IGF2R: variants seen among roughly 807,000 people sequenced by gnomAD.
IGF2R encodes cation-independent mannose-6-phosphate receptor.
IGF2R carries 91 observed loss-of-function variants against 270.6 expected under a neutral mutation model. The ratio of observed to expected loss-of-function variants is 0.34; its 90% CI spans 0.28 to 0.40. The LOEUF (loss-of-function observed/expected upper bound fraction) is 0.40, where lower values mean the gene tolerates loss of function less well. Among genes scored for constraint, IGF2R ranks in the 10% least tolerant of loss-of-function variants. IGF2R has a pLI of 1.00. For synonymous variants in IGF2R, 1,316 were observed against 1,258.9 expected (o/e 1.05, Z -0.96); for missense variants, 2,805 against 3,188.3 (o/e 0.88, Z 2.90).
At chr6:159,990,317 T>G (rs1470331535) in intron 1 of IGF2R, among the ~76,000 whole-genome samples, 2 of 152,112 alleles carry the variant, frequency 1.3e-5, no homozygotes, top group East Asian at 3.9e-4. Flanking sequence ...TGGGAGGCAA[T>G]TGAATCATGG....
chr6:160,080,508 G>A (rs1461557444), intron 39 of IGF2R, among the ~76,000 whole-genome samples: 1 of 152,232 alleles, frequency 6.6e-6, no homozygotes, highest in Non-Finnish European at 1.5e-5. Context: ...TGTGCTGGGT[G>A]GCTGGCTAGG....
At chr6:160,093,068 T>G (rs538678322) in intron 44 of IGF2R, 1 of 152,664 alleles carries the variant, frequency 6.6e-6, no homozygotes, top group South Asian at 2.1e-4. Context: ...CAGGTTAAAA[T>G]CAACCAAGAT....
intron 29 of IGF2R, among the ~76,000 whole-genome samples, chr6:160,065,113 G>A (rs953472827): frequency 5.3e-5 from 8 of 152,204 alleles, no homozygotes; most frequent in African/African-American, 1.9e-4. Flanking sequence ...GGAAGGGATT[G>A]GAGCTGAAGC....
intron 2 of IGF2R, among the ~76,000 whole-genome samples, chr6:160,001,168 G>A (rs752328761): frequency 6.6e-5 from 10 of 152,094 alleles, no homozygotes; most frequent in African/African-American, 1.7e-4. Flanking sequence ...GTGAAGCTTC[G>A]TCTGTATTTA....
intron 1 of IGF2R, among the ~76,000 whole-genome samples, chr6:159,990,886 C>G (rs1783967950): frequency 6.6e-6 from 1 of 152,180 alleles, no homozygotes; most frequent in South Asian, 2.1e-4. Context: ...CCTCGGCCTC[C>G]CAAAGTGCTG....
chr6:160,065,536 A>T (rs1347795912), intron 29 of IGF2R, among the ~76,000 whole-genome samples: 2 of 152,116 alleles, frequency 1.3e-5, no homozygotes, highest in Non-Finnish European at 2.9e-5. Flanking sequence ...ATTTATGTTC[A>T]GTGACTTTAA....
intron 39 of IGF2R, 101 bp downstream of exon 39, chr6:160,080,376 G>A: frequency 8.8e-7 from 1 of 1,134,272 alleles, no homozygotes; most frequent in Non-Finnish European, 1.2e-6. Flanking sequence ...TCAGTGGCAG[G>A]AATTCTCTTG....
intron 37 of IGF2R, 120 bp downstream of exon 37, chr6:160,078,482 T>G: frequency 4.4e-6 from 4 of 899,594 alleles, no homozygotes; most frequent in Non-Finnish European, 6.9e-6. Context: ...ATGTGGCCAC[T>G]GGGCAGCATC....
chr6:160,073,698 C>A, intron 34 of IGF2R, 59 bp from the exon 35 acceptor site: 1 of 1,390,050 alleles, frequency 7.2e-7, no homozygotes, highest in Non-Finnish European at 1.0e-6. Context: ...TTATGGATGA[C>A]CTAGTGGTGA....
Position 160,060,682 on chromosome 6 carries a change from C to T in IGF2R, c.3227C>T (p.Ala1076Val), listed in dbSNP as rs753063304. ...NTYFEFETAL[A>V]CVPSPVDCQV... ...TACTTTGAGTTTGAAACCGCGTTGG[C>T]CTGTGTTCCTTCTCCAGTGGACTGC... Residue 1076 changes from alanine to valine, a missense_variant, in exon 23 of 48, where the codon GCC becomes GTC. Ala to Val is a moderately conservative substitution (Grantham distance 64). This residue lies in a region of IGF2R where 1,851 missense variants were observed against 2,207.2 expected (regional missense o/e 0.84). Transcript: ENST00000356956. 6.2e-7 allele frequency: 1 copy of T among 1,614,260 alleles called. No homozygotes were observed. The highest frequency in any genetic ancestry group is 1.3e-5 in the African/African-American group (1 of 75,062).
At chr6:160,076,035 G>C (rs766860920) in intron 36 of IGF2R, 39 bp downstream of exon 36, 9 of 1,601,822 alleles carry the variant, frequency 5.6e-6, no homozygotes, top group Non-Finnish European at 7.7e-6. Flanking sequence ...GCTCAACTGC[G>C]GGTTAGTGAG....
At chr6:160,076,510 C>T (rs8191893) in intron 36 of IGF2R, among the ~76,000 whole-genome samples, 6,641 of 152,154 alleles carry the variant, frequency 0.044, 260 homozygotes, top group East Asian at 0.099. Flanking sequence ...ATAATGAGTT[C>T]GGTATTGGTT....
chr6:159,998,588 G>A lies in IGF2R; in HGVS notation c.289+7265G>A, dbSNP rs1033778788. Among the ~76,000 whole-genome samples the A allele has an allele frequency of 1.3e-5, 2 of 152,142 alleles. No individual in the cohort carries two copies. The highest frequency in any genetic ancestry group is 1.3e-4 in the Admixed American group (2 of 15,282). On this transcript the variant is annotated intron_variant, in intron 2 of 47. Transcript: ENST00000356956. This position sits in a 1 kb window ranked among gnomAD's most constrained non-coding sequence, Gnocchi z 4.1. Reference sequence around the variant, plus strand: ...CTAGATGACTAAAAAGTAACTTACAGGTTAAGATGATGATGATACTATTAT... The same window carrying A: ...CTAGATGACTAAAAAGTAACTTACAAGTTAAGATGATGATGATACTATTAT...
intron 31 of IGF2R, among the ~76,000 whole-genome samples, chr6:160,071,265 G>GA (rs1778729113): frequency 7.3e-6 from 1 of 137,672 alleles, no homozygotes; most frequent in Non-Finnish European, 1.6e-5. Context: ...CCAGGGCCCA[G>GA]GAGGCTGGGA....
In IGF2R at chr6:160,079,711, A is replaced by G; in HGVS notation, c.5610A>G (p.Gln1870=). 1 of 1,509,718 alleles carries G rather than the reference A, an allele frequency of 6.6e-7. No individual in the cohort carries two copies. Among genetic ancestry groups the G allele is most frequent in the Non-Finnish European group, 8.9e-7 (1 of 1,129,536 alleles). 93.5% of individuals were successfully genotyped at this position (1,509,718 alleles called of 1,614,324 possible). ...GTKGASFGRL[Q]SMKLDYRHQD... ...AGGGGGCATCCTTTGGACGGCTGCAATCAATGAAACTGGATTACAGGCACC... is the reference window on the plus strand; with the variant it reads ...AGGGGGCATCCTTTGGACGGCTGCAGTCAATGAAACTGGATTACAGGCACC... The change falls in exon 38 of 48, where the codon CAA becomes CAG. Residue 1870 remains glutamine, a synonymous_variant. Transcript: ENST00000356956.
chr6:160,102,093 G>A lies in IGF2R; in HGVS notation c.6843-426G>A, dbSNP rs1294138972. Among the ~76,000 whole-genome samples the A allele has an allele frequency of 6.6e-6, 1 of 152,202 alleles. No homozygotes were observed. Among genetic ancestry groups the A allele is most frequent in the Non-Finnish European group, 1.5e-5 (1 of 68,034 alleles). Reference sequence around the variant, plus strand: ...TCGTGTGGAGATGGTGTCTCATGGTGGGCTGCGCTCACTGCTTCCAGAAGA... The same window carrying A: ...TCGTGTGGAGATGGTGTCTCATGGTAGGCTGCGCTCACTGCTTCCAGAAGA... On this transcript the variant is annotated intron_variant, in intron 45 of 47. Transcript: ENST00000356956. This position sits in a 1 kb window ranked among gnomAD's most constrained non-coding sequence, Gnocchi z 4.5.
intron 11 of IGF2R, among the ~76,000 whole-genome samples, chr6:160,041,737 T>C (rs1313292869): frequency 6.6e-6 from 1 of 152,218 alleles, no homozygotes; most frequent in Non-Finnish European, 1.5e-5. Flanking sequence ...GTGAACCGCC[T>C]GGGCAGGGAG....
intron 44 of IGF2R, chr6:160,094,053 GTCC>G: frequency 1.8e-6 from 1 of 551,878 alleles, no homozygotes; most frequent in Admixed American, 2.2e-5. Flanking sequence ...GAACTTGACA[GTCC>G]TCCTGTCCAC....
intron 4 of IGF2R, among the ~76,000 whole-genome samples, chr6:160,021,696 CA>C (rs1226881230): frequency 6.7e-6 from 1 of 149,298 alleles, no homozygotes; most frequent in Non-Finnish European, 1.5e-5. Context: ...TTATACCAGT[CA>C]AAAATGGCAA....
Sources: allele counts gnomAD v4.1 joint callset (sites outside exome capture counted in the v4.1 genomes callset), GRCh38; gene constraint gnomAD v4.1.1; regional missense constraint gnomAD v4.1.1; non-coding constraint Gnocchi (gnomAD v3.1); transcripts MANE v1.5; gene names NCBI Gene and HGNC (gene_info 2026-07-23, HGNC 2026-07-21).